The following ANKDD1B variants were observed in gnomAD, a reference collection of about 807,000 sequenced individuals.
ANKDD1B encodes the protein ankyrin repeat and death domain-containing protein 1B.
Under a neutral mutation model 59.7 loss-of-function variants are expected in ANKDD1B, and 57 were observed. That is an observed-to-expected ratio of 0.95 (90% CI 0.77 to 1.19). The LOEUF is 1.19. Ranked by LOEUF, ANKDD1B falls within the 50% of genes most tolerant of loss-of-function variation. The pLI is 0.00. For synonymous variants in ANKDD1B, 216 were observed against 239.5 expected, an observed-to-expected ratio of 0.90 and a Z score of 0.91; for missense variants, 602 against 641.9, an observed-to-expected ratio of 0.94 and a Z score of 0.67.
chr5:75,635,068 A>T, intron 6 of ANKDD1B, 72 bp downstream of exon 6: 1 of 986,432 alleles, frequency 1.0e-6, no homozygotes, highest in Non-Finnish European at 1.5e-6. Context: ...AGGGGTAACA[A>T]TTGGCATGTA....
At chr5:75,621,790 T>C (rs192999972) in intron 3 of ANKDD1B, among the ~76,000 whole-genome samples, 4 of 152,242 alleles carry the variant, frequency 2.6e-5, no homozygotes, top group Non-Finnish European at 4.4e-5. Context: ...GATGGAGAGA[T>C]ATTTCACCAA....
At chr5:75,635,480 T>C (rs947861869) in intron 6 of ANKDD1B, 14 of 258,584 alleles carry the variant, frequency 5.4e-5, no homozygotes, top group Non-Finnish European at 8.0e-5. Context: ...CTTTCACCAT[T>C]TTACCCTCAC....
At chr5:75,618,032 A>G (rs1258873777) in intron 2 of ANKDD1B, among the ~76,000 whole-genome samples, 1 of 151,986 alleles carries the variant, frequency 6.6e-6, no homozygotes, top group African/African-American at 2.4e-5. Context: ...GGGTGTATAT[A>G]TAGTGCTCAT....
intron 11 of ANKDD1B, among the ~76,000 whole-genome samples, chr5:75,664,346 A>G (rs1040896639): frequency 2.0e-5 from 3 of 152,206 alleles, no homozygotes; most frequent in African/African-American, 7.2e-5. Context: ...CTTGATATAT[A>G]TGGATTCTTT....
intron 5 of ANKDD1B, among the ~76,000 whole-genome samples, chr5:75,627,193 T>G (rs78490672): frequency 0.013 from 2,029 of 152,296 alleles, 47 homozygotes; most frequent in African/African-American, 0.047. Flanking sequence ...CTTCAATTTC[T>G]GAAACCCCCA....
At chr5:75,621,532 C>T (rs1044731568) in intron 3 of ANKDD1B, among the ~76,000 whole-genome samples, 1 of 151,726 alleles carries the variant, frequency 6.6e-6, no homozygotes, top group Non-Finnish European at 1.5e-5. Flanking sequence ...GCATTCTTTC[C>T]AGAGATTTTA....
intron 7 of ANKDD1B, among the ~76,000 whole-genome samples, chr5:75,642,026 C>T (rs1398275428): frequency 6.6e-6 from 1 of 151,932 alleles, no homozygotes; most frequent in African/African-American, 2.4e-5. Flanking sequence ...GTGATAAATA[C>T]TAAAAATATG....
intron 5 of ANKDD1B, among the ~76,000 whole-genome samples, chr5:75,632,080 C>G (rs923471609): frequency 2.0e-5 from 3 of 147,774 alleles, no homozygotes; most frequent in African/African-American, 7.5e-5. Flanking sequence ...GCACTGCAGC[C>G]TGGGCAACAG....
In ANKDD1B at chr5:75,643,723, T is replaced by C. The variant is rs1407778272; in HGVS notation, c.798+7841T>C. Among the ~76,000 whole-genome samples, 15 of 34,722 alleles carry C rather than the reference T, an allele frequency of 4.3e-4. 6 individuals carry two copies. In the Admixed American group the frequency reaches 5.2e-3, roughly 12 times the overall value. 22.8% of individuals were successfully genotyped at this position (34,722 alleles called of 152,430 possible). A position where few individuals can be genotyped will look rare whatever the true frequency, so the allele number is the denominator to read the frequency against. ...CCCAATCTAGCAAGGCAGGCCAACG[T>C]TCAGATTCAGGAAATACAGATAACA... On this transcript the variant is annotated intron_variant, in intron 7 of 13. Coordinates refer to ENST00000601380, the MANE Select transcript of ANKDD1B (RefSeq NM_001276713.2).
At chr5:75,620,511 A>G in intron 3 of ANKDD1B, 98 bp downstream of exon 3, 1 of 652,692 alleles carries the variant, frequency 1.5e-6, no homozygotes, top group Non-Finnish European at 2.6e-6. Flanking sequence ...TACACACAAA[A>G]TATTTTAATT....
chr5:75,664,144 C>T (rs971158307), intron 11 of ANKDD1B, among the ~76,000 whole-genome samples: 1 of 152,250 alleles, frequency 6.6e-6, no homozygotes, highest in Non-Finnish European at 1.5e-5. Context: ...TTCTAGGCTG[C>T]GTGGCTACCC....
At chr5:75,659,448 C>T in intron 10 of ANKDD1B, 67 bp downstream of exon 10, 3 of 1,104,764 alleles carry the variant, frequency 2.7e-6, no homozygotes, top group Non-Finnish European at 4.0e-6. Flanking sequence ...GGATGTCAGC[C>T]TTGAGCAGCG....
At position 75,670,990 on chromosome 5, in the gene ANKDD1B, C is replaced by T; in HGVS notation, c.1537C>T (p.His513Tyr). 8.1e-7 allele frequency: 1 copy of T among 1,228,274 alleles called. No homozygotes were observed. Among genetic ancestry groups the T allele is most frequent in the Non-Finnish European group, 1.0e-6 (1 of 984,560 alleles). 76.1% of individuals were successfully genotyped at this position (1,228,274 alleles called of 1,614,324 possible). A position where few individuals can be genotyped will look rare whatever the true frequency, so the allele number is the denominator to read the frequency against. ...CTTATTTTTTCCAGAAAAGACTCGTCATTTCAAAAGCAAAACTGACTCAAA... is the reference window on the plus strand; with the variant it reads ...CTTATTTTTTCCAGAAAAGACTCGTTATTTCAAAAGCAAAACTGACTCAAA... ...GFPKLAEKTR[H>Y]FKSKTDSNSK... Residue 513 changes from histidine (H) to tyrosine (Y), a missense_variant, in exon 14 of 14, where the codon CAT becomes TAT. Transcript: ENST00000601380.
intron 5 of ANKDD1B, among the ~76,000 whole-genome samples, chr5:75,628,147 T>C (rs1187659017): frequency 2.0e-5 from 3 of 152,192 alleles, no homozygotes; most frequent in Admixed American, 6.5e-5. Flanking sequence ...ATCTACTTTT[T>C]TTCTAAGATC....
In ANKDD1B at chr5:75,661,414, A is replaced by AAAAAAAAAAAAG. The variant is rs1554069984; in HGVS notation, c.1096-1979_1096-1968dup. 7.0e-4 allele frequency among the ~76,000 whole-genome samples: 92 copies of AAAAAAAAAAAAG among 131,468 alleles called. 3 individuals are homozygous for AAAAAAAAAAAAG. The South Asian group carries it at 0.011, about 16-fold the overall frequency. The allele number at this position is 131,468 out of a possible 152,430, so 86.2% of individuals were successfully genotyped here. On this transcript the variant is annotated intron_variant, in intron 10 of 13. Transcript: ENST00000601380. Reference sequence around the variant, plus strand: ...TCCGTCTGAAAAAAAAAAAAAAAAAAAAAAAAAAAAAGTAACACAGGCCCA... The same window carrying AAAAAAAAAAAAG: ...TCCGTCTGAAAAAAAAAAAAAAAAAAAAAAAAAAAAAGAAAAAAAAAAAGTAACACAGGCCCA...
At chr5:75,662,182 T>G (rs1775174174) in intron 10 of ANKDD1B, among the ~76,000 whole-genome samples, 1 of 152,186 alleles carries the variant, frequency 6.6e-6, no homozygotes, top group Non-Finnish European at 1.5e-5. Flanking sequence ...CTCAGAATGC[T>G]GCCTTCTCAA....
At chr5:75,667,087 C>A in intron 12 of ANKDD1B, 94 bp downstream of exon 12, 1 of 808,870 alleles carries the variant, frequency 1.2e-6, no homozygotes, top group Non-Finnish European at 1.8e-6. Flanking sequence ...GTGTGTGGCA[C>A]TCACAATAAG....
Position 75,625,718 on chromosome 5 carries a change from T to A in ANKDD1B, c.468T>A (p.Ala156=). ...SLEVMLMLVK[A]GADQRAKNQD... ...AGGTCATGCTCATGCTGGTTAAAGC[T>A]GGAGCAGACCAGAGAGCCAAGAATC... Residue 156 remains alanine (A), a synonymous_variant, in exon 4 of 14, where the codon GCT becomes GCA. Coordinates refer to ENST00000601380, the MANE Select transcript of ANKDD1B (RefSeq NM_001276713.2). The A allele has an allele frequency of 6.5e-7, 1 of 1,536,400 alleles. No homozygotes were observed. Among genetic ancestry groups the A allele is most frequent in the Non-Finnish European group, 8.7e-7 (1 of 1,146,954 alleles).
At chr5:75,666,081 C>T (rs899940346) in intron 11 of ANKDD1B, among the ~76,000 whole-genome samples, 2 of 152,162 alleles carry the variant, frequency 1.3e-5, no homozygotes, top group Non-Finnish European at 2.9e-5. Flanking sequence ...CCTGCTTTCA[C>T]TCAGTGATTT....
Sources: allele counts gnomAD v4.1 joint callset (sites outside exome capture counted in the v4.1 genomes callset), GRCh38; gene constraint gnomAD v4.1.1; transcripts MANE v1.5; gene names NCBI Gene and HGNC (gene_info 2026-07-23, HGNC 2026-07-21).